DCDC2: variants seen among roughly 807,000 people sequenced by gnomAD.
DCDC2 encodes doublecortin domain containing 2, also known as doublecortin domain-containing protein 2.
A neutral mutation model predicts 50.2 loss-of-function variants in DCDC2; 40 were observed. The ratio of observed to expected loss-of-function variants is 0.80; its 90% confidence interval spans 0.62 to 1.04. DCDC2 has a LOEUF of 1.04. Ranked by LOEUF, DCDC2 falls within the 50% of genes least tolerant of loss-of-function variation. The pLI is 0.00. For synonymous variants in DCDC2, 234 were observed against 210.6 expected, an observed-to-expected ratio of 1.11 and a Z score of -0.96; for missense variants, 570 against 581.9, an observed-to-expected ratio of 0.98 and a Z score of 0.21.
chr6:24,369,316 A>G, the DCDC2 span, among the ~76,000 whole-genome samples: 1 of 152,088 alleles, frequency 6.6e-6, no homozygotes, highest in African/African-American at 2.4e-5. Flanking sequence ...TTTAAAAAAT[A>G]GACATTCTGA....
intron 7 of DCDC2, among the ~76,000 whole-genome samples, chr6:24,267,479 T>A (rs538235149): frequency 1.3e-5 from 2 of 152,282 alleles, no homozygotes; most frequent in South Asian, 4.1e-4. Flanking sequence ...AAAAATTCTA[T>A]GTCCATCCAA....
At chr6:24,279,665 C>G (rs1230676402) in intron 6 of DCDC2, among the ~76,000 whole-genome samples, 1 of 152,180 alleles carries the variant, frequency 6.6e-6, no homozygotes, top group Non-Finnish European at 1.5e-5. Context: ...GCTAAACTTA[C>G]CTGAGAGTAT....
At chr6:24,358,987 ATTATATATTATATATT>A (rs1253494275), upstream of DCDC2, among the ~76,000 whole-genome samples, 558 of 76,906 alleles carry the variant, frequency 7.3e-3, 16 homozygotes, top group Middle Eastern at 0.054. Context: ...TACATTATAT[ATTATATATTATATATT>A]TTATATATTA....
chr6:24,265,687 G>GA (rs1763102921), intron 7 of DCDC2, among the ~76,000 whole-genome samples: 1 of 151,634 alleles, frequency 6.6e-6, no homozygotes, highest in South Asian at 2.1e-4. Flanking sequence ...AAATCAAGAA[G>GA]AAAATTAAGG....
intron 2 of DCDC2, among the ~76,000 whole-genome samples, chr6:24,337,789 C>T (rs1581659455): frequency 9.2e-6 from 1 of 108,560 alleles, no homozygotes; most frequent in Non-Finnish European, 2.0e-5. Flanking sequence ...TAGAGCAAGA[C>T]TCCGTCTCAA....
intron 7 of DCDC2, among the ~76,000 whole-genome samples, chr6:24,221,577 T>A (rs1770461): frequency 0.82 from 124,206 of 152,182 alleles, 51,490 homozygotes; most frequent in Non-Finnish European, 0.89. Context: ...CCCAAAGCTC[T>A]TCACACACAA....
the DCDC2 span, among the ~76,000 whole-genome samples, chr6:24,376,884 A>T: frequency 1.3e-5 from 2 of 151,968 alleles, no homozygotes; most frequent in African/African-American, 4.8e-5. Flanking sequence ...ATGCAACCAC[A>T]TACCTACTTT....
chr6:24,274,398 A>G (rs964076357), intron 7 of DCDC2, among the ~76,000 whole-genome samples: 2 of 152,194 alleles, frequency 1.3e-5, no homozygotes, highest in East Asian at 3.9e-4. Flanking sequence ...ACTCAAGTGG[A>G]AAGTGTAACA....
chr6:24,348,151 G>C (rs1258868570), intron 2 of DCDC2, among the ~76,000 whole-genome samples: 1 of 152,172 alleles, frequency 6.6e-6, no homozygotes, highest in Admixed American at 6.5e-5. Flanking sequence ...AGCACTTAAA[G>C]AATCCATAAA....
At chr6:24,382,751 T>G in the DCDC2 span, among the ~76,000 whole-genome samples, 2 of 152,194 alleles carry the variant, frequency 1.3e-5, no homozygotes, top group African/African-American at 4.8e-5. Context: ...CAAAGTATTC[T>G]TTTCTTTTTT....
At chr6:24,190,076 A>AAAG (rs1263945102) in intron 8 of DCDC2, among the ~76,000 whole-genome samples, 2 of 151,320 alleles carry the variant, frequency 1.3e-5, no homozygotes, top group Non-Finnish European at 3.0e-5. Flanking sequence ...TTTCACCGAA[A>AAAG]AAAAAAAAAA....
chr6:24,345,032 C>T (rs28537971), intron 2 of DCDC2, among the ~76,000 whole-genome samples: 2 of 152,212 alleles, frequency 1.3e-5, no homozygotes, highest in African/African-American at 2.4e-5. Flanking sequence ...TAACATAATC[C>T]GGAAAGTTTT....
chr6:24,283,024 C>T lies in DCDC2; in HGVS notation c.760-4813G>A, dbSNP rs747606775. Among the ~76,000 whole-genome samples, 3 of 152,196 alleles carry T rather than the reference C, an allele frequency of 2.0e-5. No individual in the cohort carries two copies. The East Asian group carries it at 5.8e-4, about 29-fold the overall frequency. On this transcript the variant is annotated intron_variant, in intron 6 of 9. Transcript: ENST00000378454. ...TCATAATATTTGATCCTGTAAACTA[C>T]TGACCATAAGATGTATAAGCCAAAT...
chr6:24,292,648 G>C (rs181966823), intron 4 of DCDC2, among the ~76,000 whole-genome samples: 2 of 152,188 alleles, frequency 1.3e-5, no homozygotes, highest in African/African-American at 4.8e-5. Flanking sequence ...CAAGAGGATC[G>C]CTTGAGCCCA....
chr6:24,178,617 C>G lies in DCDC2; in HGVS notation c.1039G>C (p.Val347Leu). The change falls in exon 9 of 10, where the codon GTA (valine) becomes CTA (leucine). Residue 347 changes from valine to leucine, a missense_variant. By Grantham distance (32) the Val-to-Leu change is conservative. Transcript: ENST00000378454. Reference sequence around the variant, plus strand: ...TTCTCTCCATCTTCTTCCTCGTCTACTATTTCTGCTGGCCTCTGATGGATC... The same window carrying G: ...TTCTCTCCATCTTCTTCCTCGTCTAGTATTTCTGCTGGCCTCTGATGGATC... ...VPVDQRPAEI[V>L]DEEEDGEKAN... The G allele has an allele frequency of 6.2e-7, 1 of 1,612,874 alleles. No individual in the cohort carries two copies. The highest frequency in any genetic ancestry group is 8.5e-7 in the Non-Finnish European group (1 of 1,179,700).
At chr6:24,182,705 G>A (rs1323470076) in intron 8 of DCDC2, among the ~76,000 whole-genome samples, 1 of 150,308 alleles carries the variant, frequency 6.7e-6, no homozygotes, top group Non-Finnish European at 1.5e-5. Context: ...CATTTTGGGG[G>A]ATGCAAAATG....
In DCDC2 at chr6:24,353,530, C is replaced by G. The variant is rs375066685; in HGVS notation, c.348+39G>C. 12 of 1,291,686 alleles carry G rather than the reference C, an allele frequency of 9.3e-6. No homozygotes were observed. In the South Asian group the frequency reaches 1.0e-4, roughly 11 times the overall value. 80.0% of individuals were successfully genotyped at this position (1,291,686 alleles called of 1,614,324 possible). On this transcript the variant is annotated intron_variant, in intron 2 of 9. Coordinates refer to ENST00000378454, the MANE Select transcript of DCDC2 (RefSeq NM_016356.5). ...ACACACCATAAGAAACAAATGGCAC[C>G]GTTATTTATTTGAATTTTCAAAATA... is the stretch of plus-strand genomic sequence containing the variant.
intron 2 of DCDC2, among the ~76,000 whole-genome samples, chr6:24,338,790 C>T (rs558465459): frequency 6.6e-6 from 1 of 152,186 alleles, no homozygotes. Context: ...GGATTACAGG[C>T]ACACACCACC....
chr6:24,202,008 A>G (rs1383767592), intron 8 of DCDC2, among the ~76,000 whole-genome samples: 1 of 152,166 alleles, frequency 6.6e-6, no homozygotes, highest in East Asian at 1.9e-4. Flanking sequence ...GCCAGCCAAA[A>G]AAAAAGCCCA....
Sources: allele counts gnomAD v4.1 joint callset (sites outside exome capture counted in the v4.1 genomes callset), GRCh38; gene constraint gnomAD v4.1.1; transcripts MANE v1.5; gene names NCBI Gene and HGNC (gene_info 2026-07-23, HGNC 2026-07-21).